Variants in RGS7 observed in about 807,000 individuals in gnomAD.
RGS7 encodes regulator of G-protein signaling 7.
RGS7 carries 27 observed loss-of-function variants against 81.1 expected under a neutral mutation model. The ratio of observed to expected loss-of-function variants is 0.33; its 90% CI spans 0.25 to 0.46. The LOEUF (loss-of-function observed/expected upper bound fraction) is 0.46, where lower values mean the gene tolerates loss of function less well. Among genes scored for constraint, RGS7 ranks in the 20% least tolerant of loss-of-function variants. The pLI is 1.00. For missense variants in RGS7, 396 were observed against 607.4 expected (o/e 0.65, Z 3.66); for synonymous variants, 208 against 207.7 (o/e 1.00, Z -0.01).
intron 2 of RGS7, among the ~76,000 whole-genome samples, chr1:241,346,364 T>TA (rs1170086234): frequency 3.3e-5 from 5 of 149,366 alleles, no homozygotes; most frequent in African/African-American, 4.9e-5. Flanking sequence ...CTTCAGCACT[T>TA]ACCATACACA....
Position 240,775,989 on chromosome 1 carries a change from G to A in RGS7, c.*231C>T. On this transcript the variant is annotated 3_prime_UTR_variant, in exon 19 of 19. Coordinates refer to ENST00000440928, the MANE Select transcript of RGS7 (RefSeq NM_001364886.1). ...AGAAAGCAGACAACAGTTTGGAATGGAGGCATTGAGACGGAAGAGTCCATT... is the reference window on the plus strand; with the variant it reads ...AGAAAGCAGACAACAGTTTGGAATGAAGGCATTGAGACGGAAGAGTCCATT... 1 of 651,990 alleles carries A rather than the reference G, an allele frequency of 1.5e-6. No individual in the cohort carries two copies. The highest frequency in any genetic ancestry group is 1.7e-5 in the South Asian group (1 of 58,140). The allele number at this position is 651,990 out of a possible 1,614,324, so 40.4% of individuals were successfully genotyped here.
At chr1:240,862,887 ATC>A (rs1662475822) in intron 9 of RGS7, among the ~76,000 whole-genome samples, 1 of 151,600 alleles carries the variant, frequency 6.6e-6, no homozygotes, top group Admixed American at 6.6e-5. Flanking sequence ...CTACTTTCTT[ATC>A]TCTTTTTTTT....
chr1:241,233,500 T>G (rs1207859022), intron 2 of RGS7, among the ~76,000 whole-genome samples: 6 of 152,232 alleles, frequency 3.9e-5, no homozygotes, highest in Non-Finnish European at 7.3e-5. Context: ...TGTCTTTCTG[T>G]GCCTGACTCA....
chr1:241,059,041 T>C (rs2061615321), intron 3 of RGS7, among the ~76,000 whole-genome samples: 1 of 152,188 alleles, frequency 6.6e-6, no homozygotes, highest in South Asian at 2.1e-4. Context: ...CCTGAGAACA[T>C]CTAATATTGT....
intron 3 of RGS7, among the ~76,000 whole-genome samples, chr1:241,097,441 C>A (rs765769983): frequency 6.6e-6 from 1 of 152,112 alleles, no homozygotes; most frequent in Non-Finnish European, 1.5e-5. Flanking sequence ...AGGTATCAAA[C>A]CCCGACACGG....
At chr1:240,930,600 G>T in intron 6 of RGS7, 117 bp downstream of exon 6, 1 of 965,010 alleles carries the variant, frequency 1.0e-6, no homozygotes, top group Non-Finnish European at 1.7e-6. Context: ...AAAAATATTG[G>T]TCCCATCCTG....
chr1:241,123,524 G>C (rs2066439583), intron 2 of RGS7, among the ~76,000 whole-genome samples: 1 of 152,236 alleles, frequency 6.6e-6, no homozygotes, highest in South Asian at 2.1e-4. Context: ...GCCAAGGCGG[G>C]TGGATCACCT....
chr1:241,204,423 C>T (rs1573114864), intron 2 of RGS7, among the ~76,000 whole-genome samples: 1 of 152,254 alleles, frequency 6.6e-6, no homozygotes, highest in African/African-American at 2.4e-5. Context: ...ATATGTACTG[C>T]ATATCATACA....
chr1:240,864,073 T>A (rs1662766892), intron 9 of RGS7, among the ~76,000 whole-genome samples: 1 of 152,134 alleles, frequency 6.6e-6, no homozygotes, highest in Non-Finnish European at 1.5e-5. Flanking sequence ...GTATCTCCCT[T>A]CAGAAAACAA....
rs1018431461 is a variant in RGS7 at position 241,350,614 on chromosome 1, A to G, written c.78+5085T>C. On this transcript the variant is annotated intron_variant, in intron 2 of 18. Coordinates refer to ENST00000440928, the MANE Select transcript of RGS7 (RefSeq NM_001364886.1). ...GGATTAAGAAAACTAAGGTTCAAAA[A>G]TGTTAAAGATCAACTGGGCACGGTG... 2.0e-5 allele frequency among the ~76,000 whole-genome samples: 3 copies of G among 152,038 alleles called. No homozygotes were observed. The East Asian group carries it at 5.8e-4, about 29-fold the overall frequency.
intron 2 of RGS7, among the ~76,000 whole-genome samples, chr1:241,246,112 A>G (rs1265029720): frequency 1.3e-5 from 2 of 152,074 alleles, no homozygotes; most frequent in Admixed American, 6.5e-5. Context: ...TCAAAAATAA[A>G]TAAATAAAAA....
At chr1:240,784,079 C>T (rs1294338543) in intron 18 of RGS7, among the ~76,000 whole-genome samples, 1 of 147,226 alleles carries the variant, frequency 6.8e-6, no homozygotes, top group East Asian at 2.0e-4. Context: ...CCCAGCTACT[C>T]GGGAGGCTGA....
chr1:241,125,093 A>G (rs1310440226), intron 2 of RGS7, among the ~76,000 whole-genome samples: 4 of 152,096 alleles, frequency 2.6e-5, no homozygotes, highest in Admixed American at 6.5e-5. Flanking sequence ...TCCTCATGGT[A>G]TATGTAGGAT....
At chr1:241,293,577 T>A (rs2079211654) in intron 2 of RGS7, among the ~76,000 whole-genome samples, 1 of 151,688 alleles carries the variant, frequency 6.6e-6, no homozygotes, top group Non-Finnish European at 1.5e-5. Flanking sequence ...TAGTTTTTAA[T>A]AAAAAAAGTT....
chr1:241,199,195 G>A (rs556759993), intron 2 of RGS7, among the ~76,000 whole-genome samples: 5 of 152,030 alleles, frequency 3.3e-5, no homozygotes, highest in Non-Finnish European at 7.4e-5. Flanking sequence ...CCGGTCTCAC[G>A]CCTGTAATCC....
At chr1:241,183,952 C>A (rs1296219108) in intron 2 of RGS7, among the ~76,000 whole-genome samples, 1 of 152,174 alleles carries the variant, frequency 6.6e-6, no homozygotes, top group Non-Finnish European at 1.5e-5. Flanking sequence ...GAAGTGACAG[C>A]AACACCCTGT....
intron 6 of RGS7, among the ~76,000 whole-genome samples, chr1:240,902,422 T>C (rs927402460): frequency 7.9e-5 from 12 of 152,290 alleles, no homozygotes; most frequent in African/African-American, 2.6e-4. Context: ...TCTTTTTTTC[T>C]GGAGTACACT....
At chr1:241,115,641 T>C (rs372194091) in intron 2 of RGS7, among the ~76,000 whole-genome samples, 1 of 152,168 alleles carries the variant, frequency 6.6e-6, no homozygotes, top group Admixed American at 6.5e-5. Context: ...CCTGGTCCCT[T>C]GTTTTGGGAT....
chr1:240,901,330 C>G (rs969728528), intron 6 of RGS7, among the ~76,000 whole-genome samples: 2 of 152,146 alleles, frequency 1.3e-5, no homozygotes, highest in South Asian at 4.1e-4. Context: ...GAACCTGGTA[C>G]CTCAGTTGGA....
Sources: gnomAD v4.1 joint callset for allele counts (sites outside exome capture counted in the v4.1 genomes callset) on GRCh38, gnomAD v4.1.1 for gene constraint, MANE v1.5 for transcripts, NCBI Gene and HGNC (gene_info 2026-07-23, HGNC 2026-07-21) for gene names.